The following SLCO1A2 variants were observed in gnomAD, a reference collection of about 807,000 sequenced individuals.
SLCO1A2 encodes solute carrier organic anion transporter family member 1A2.
In SLCO1A2, 67 loss-of-function variants were observed where a neutral mutation model predicts 69.0. The ratio of observed to expected loss-of-function variants is 0.97; its 90% CI spans 0.80 to 1.19. The LOEUF (loss-of-function observed/expected upper bound fraction) is 1.19, where lower values mean the gene tolerates loss of function less well. Ranked by LOEUF, SLCO1A2 falls within the 50% of genes most tolerant of loss-of-function variation. SLCO1A2 has a pLI of 0.00. For missense variants in SLCO1A2, 787 were observed against 793.7 expected (o/e 0.99, Z 0.10); for synonymous variants, 260 against 265.9 (o/e 0.98, Z 0.22).
chr12:21,313,982 T>A (rs12367236), intron 4 of SLCO1A2, among the ~76,000 whole-genome samples: 55 of 136,352 alleles, frequency 4.0e-4, no homozygotes, highest in East Asian at 1.1e-3. Context: ...TAATAAATAA[T>A]AAAAAAAAAA....
chr12:21,401,404 G>A (rs1189227593), intron 1 of SLCO1A2, among the ~76,000 whole-genome samples: 1 of 151,562 alleles, frequency 6.6e-6, no homozygotes, highest in African/African-American at 2.4e-5. Context: ...ACAAAAATGT[G>A]CAACTGTATG....
chr12:21,401,270 A>G (rs143067674), intron 1 of SLCO1A2, among the ~76,000 whole-genome samples: 1 of 151,928 alleles, frequency 6.6e-6, no homozygotes, highest in Non-Finnish European at 1.5e-5. Context: ...ATACAGCAAC[A>G]TGATACAAAA....
rs1220058538 is a variant in SLCO1A2 at position 21,300,399 on chromosome 12, C to T, written c.859G>A (p.Glu287Lys). Residue 287 changes from glutamate (E) to lysine (K), a missense_variant, in exon 8 of 15, where the codon GAA (glutamate) becomes AAA (lysine). Transcript: ENST00000683939. ...TTGACCTCTTCTTTTTGTTTGTCTT[C>T]ATTTTCATTTTTAATGATGTCAGCA... ...TNADIIKNEN[E>K]DKQKEEVKKE... is the part of the protein sequence containing the mutation. 2 of 1,612,996 alleles carry T rather than the reference C, an allele frequency of 1.2e-6. No homozygotes were observed. The highest frequency in any genetic ancestry group is 3.3e-5 in the Admixed American group (2 of 59,864).
chr12:21,301,489 C>T (rs1187669893), intron 6 of SLCO1A2, among the ~76,000 whole-genome samples: 2 of 152,042 alleles, frequency 1.3e-5, no homozygotes, highest in Non-Finnish European at 2.9e-5. Context: ...TCCCTGGCCT[C>T]CAAATTCCCT....
chr12:21,419,562 G>A (rs1565536845), upstream of SLCO1A2: 1 of 156,414 alleles, frequency 6.4e-6, no homozygotes. Flanking sequence ...CTGGCTCTGA[G>A]GGTCCTACGC....
At chr12:21,274,720 T>C (rs1943483309) in intron 13 of SLCO1A2, 134 bp from the exon 14 acceptor site, 1 of 748,508 alleles carries the variant, frequency 1.3e-6, no homozygotes, top group Non-Finnish European at 2.1e-6. Context: ...ATTTTATTTT[T>C]AGAAATGATG....
intron 11 of SLCO1A2, among the ~76,000 whole-genome samples, chr12:21,292,777 G>C (rs1028084833): frequency 6.6e-6 from 1 of 151,872 alleles, no homozygotes; most frequent in Non-Finnish European, 1.5e-5. Flanking sequence ...TGTATTTTTA[G>C]CAGAGATGGA....
chr12:21,411,293 A>T (rs1405991287), intron 1 of SLCO1A2, among the ~76,000 whole-genome samples: 1 of 152,144 alleles, frequency 6.6e-6, no homozygotes, highest in Non-Finnish European at 1.5e-5. Context: ...CCTGGAGTTT[A>T]TTTTTTGTAT....
upstream of SLCO1A2, among the ~76,000 whole-genome samples, chr12:21,335,785 A>G (rs556671685): frequency 1.3e-5 from 2 of 152,260 alleles, no homozygotes; most frequent in South Asian, 2.1e-4. Context: ...TTGTTATTTT[A>G]ACACATTCTC....
intron 2 of SLCO1A2, among the ~76,000 whole-genome samples, chr12:21,351,099 T>C (rs1379338019): frequency 6.6e-6 from 1 of 152,128 alleles, no homozygotes; most frequent in African/African-American, 2.4e-5. Context: ...ACCATCACAC[T>C]GTAATAACAT....
At chr12:21,370,503 T>TG (rs1206276012) in intron 2 of SLCO1A2, among the ~76,000 whole-genome samples, 2 of 112,510 alleles carry the variant, frequency 1.8e-5, no homozygotes, top group Non-Finnish European at 3.4e-5. Flanking sequence ...CAACAGGCCC[T>TG]GGTGTGTGAT....
At chr12:21,277,821 G>A (rs1017172885) in intron 12 of SLCO1A2, among the ~76,000 whole-genome samples, 1 of 152,150 alleles carries the variant, frequency 6.6e-6, no homozygotes, top group Non-Finnish European at 1.5e-5. Flanking sequence ...GAACTCAGGG[G>A]GTAATGCTCG....
intron 2 of SLCO1A2, among the ~76,000 whole-genome samples, chr12:21,331,872 A>G (rs1952641539): frequency 6.6e-6 from 1 of 152,056 alleles, no homozygotes; most frequent in Admixed American, 6.6e-5. Context: ...ATCTTAACCA[A>G]ATTTAGGGGA....
chr12:21,321,653 C>G (rs1951645404), intron 2 of SLCO1A2, among the ~76,000 whole-genome samples: 1 of 152,158 alleles, frequency 6.6e-6, no homozygotes, highest in South Asian at 2.1e-4. Flanking sequence ...ATTAACCCTG[C>G]CATTTTATAG....
At chr12:21,403,031 T>C (rs1449120423) in intron 1 of SLCO1A2, among the ~76,000 whole-genome samples, 1 of 152,070 alleles carries the variant, frequency 6.6e-6, no homozygotes, top group African/African-American at 2.4e-5. Flanking sequence ...ACACGGGGCT[T>C]GATCAGAATT....
intron 1 of SLCO1A2, among the ~76,000 whole-genome samples, chr12:21,400,673 T>C (rs1253789421): frequency 6.7e-6 from 1 of 148,424 alleles, no homozygotes; most frequent in Non-Finnish European, 1.5e-5. Context: ...GTGGCACATA[T>C]ACACCATGGA....
At chr12:21,332,689 T>C (rs1591855341) in intron 2 of SLCO1A2, among the ~76,000 whole-genome samples, 1 of 152,112 alleles carries the variant, frequency 6.6e-6, no homozygotes. Context: ...AACTACCATC[T>C]TTCTCACTGT....
At chr12:21,368,583 T>C (rs1424628073) in intron 2 of SLCO1A2, among the ~76,000 whole-genome samples, 3 of 152,154 alleles carry the variant, frequency 2.0e-5, no homozygotes, top group Non-Finnish European at 2.9e-5. Context: ...CTATGTTCTA[T>C]AAAATGTCCT....
At chr12:21,319,285 A>G in intron 2 of SLCO1A2, 1 of 1,268,228 alleles carries the variant, frequency 7.9e-7, no homozygotes, top group Non-Finnish European at 1.1e-6. Flanking sequence ...TGTAATGAAA[A>G]GAAAGAATGC....
Sources: gnomAD v4.1 joint callset for allele counts (sites outside exome capture counted in the v4.1 genomes callset) on GRCh38, gnomAD v4.1.1 for gene constraint, MANE v1.5 for transcripts, NCBI Gene and HGNC (gene_info 2026-07-23, HGNC 2026-07-21) for gene names.